CALN1: variants seen among roughly 807,000 people sequenced by gnomAD.
The protein encoded by CALN1 is calcium-binding protein 8.
CALN1 carries 17 observed loss-of-function variants against 30.6 expected under a neutral mutation model. The observed-to-expected ratio is 0.56, with a 90% CI of 0.38 to 0.83. The LOEUF is 0.83. Ranked by LOEUF, CALN1 falls within the 40% of genes least tolerant of loss-of-function variation. CALN1 has a pLI of 0.00. For missense variants in CALN1, 291 were observed against 354.9 expected, an observed-to-expected ratio of 0.82 and a Z score of 1.45; for synonymous variants, 156 against 131.4, an observed-to-expected ratio of 1.19 and a Z score of -1.28.
intron 6 of CALN1, among the ~76,000 whole-genome samples, chr7:71,801,497 C>G (rs1288193816): frequency 6.7e-6 from 1 of 149,520 alleles, no homozygotes; most frequent in African/African-American, 2.5e-5. Flanking sequence ...CCATGTTGCC[C>G]AGGTTGCAGG....
intron 3 of CALN1, among the ~76,000 whole-genome samples, chr7:72,108,701 G>T (rs1807348842): frequency 6.6e-6 from 1 of 152,082 alleles, no homozygotes; most frequent in South Asian, 2.1e-4. Flanking sequence ...TAAGTCCTGG[G>T]TCTGGTAGGT....
intron 2 of CALN1, among the ~76,000 whole-genome samples, chr7:72,356,450 T>C (rs965504495): frequency 5.3e-5 from 8 of 151,990 alleles, no homozygotes. Context: ...ATACAACTTG[T>C]ATTAAAGTGA....
rs564376743 is a variant in CALN1 at position 71,785,452 on chromosome 7, C to T, written c.*2323G>A. 2.9e-4 allele frequency: 44 copies of T among 152,310 alleles called. No individual in the cohort carries two copies. Among genetic ancestry groups the T allele is most frequent in the African/African-American group, 1.0e-3 (42 of 41,570 alleles). The allele number at this position is 152,310 out of a possible 1,614,324, so 9.4% of individuals were successfully genotyped here. ...GAGGCAGAAGAACTCGCAGAAAAGC[C>T]ACCTTCAAAGAAGTACTCATTTTCT... On this transcript the variant is annotated 3_prime_UTR_variant, in exon 7 of 7. Transcript: ENST00000395275.
chr7:72,389,923 C>T (rs1039241820), intron 2 of CALN1, among the ~76,000 whole-genome samples: 16 of 122,522 alleles, frequency 1.3e-4, no homozygotes, highest in Admixed American at 8.7e-4. Flanking sequence ...AGCAAAACCC[C>T]ATCTAAAAAA....
chr7:72,275,275 G>C, intron 3 of CALN1, among the ~76,000 whole-genome samples: 1 of 152,050 alleles, frequency 6.6e-6, no homozygotes, highest in South Asian at 2.1e-4. Context: ...GGGTAAATGA[G>C]TGCCCCCAAC....
chr7:72,169,501 T>G (rs925168755), intron 3 of CALN1, among the ~76,000 whole-genome samples: 24 of 151,030 alleles, frequency 1.6e-4, no homozygotes, highest in Non-Finnish European at 3.4e-4. Flanking sequence ...TTTTTTTTTT[T>G]TTTCAGATAC....
chr7:72,439,185 C>A (rs1016524315), intron 1 of CALN1, among the ~76,000 whole-genome samples: 1 of 152,140 alleles, frequency 6.6e-6, no homozygotes, highest in African/African-American at 2.4e-5. Context: ...CACACACCAT[C>A]ATAACTAGTT....
At chr7:72,315,225 T>TA (rs1473513526) in intron 2 of CALN1, among the ~76,000 whole-genome samples, 4 of 150,992 alleles carry the variant, frequency 2.6e-5, no homozygotes, top group Non-Finnish European at 5.9e-5. Context: ...AGAGCAAACA[T>TA]AGAAAATTTT....
At chr7:72,112,277 A>G (rs1020072345) in intron 3 of CALN1, among the ~76,000 whole-genome samples, 1 of 152,184 alleles carries the variant, frequency 6.6e-6, no homozygotes, top group Non-Finnish European at 1.5e-5. Flanking sequence ...AATCAGGTGA[A>G]ATTTACAGTA....
chr7:71,898,573 A>C (rs943247593), intron 5 of CALN1, among the ~76,000 whole-genome samples: 5 of 152,194 alleles, frequency 3.3e-5, no homozygotes, highest in African/African-American at 1.2e-4. Flanking sequence ...AGGCAGAAGC[A>C]ATATGTGGGG....
the CALN1 span, among the ~76,000 whole-genome samples, chr7:72,496,523 A>G: frequency 6.6e-6 from 1 of 152,348 alleles, no homozygotes; most frequent in Admixed American, 6.5e-5. Context: ...GTGAGATTCA[A>G]GTTTAACCAG....
chr7:71,795,013 AT>A (rs1002826739), intron 6 of CALN1, among the ~76,000 whole-genome samples: 10 of 150,108 alleles, frequency 6.7e-5, no homozygotes, highest in Admixed American at 1.3e-4. Context: ...GATCTTGCCT[AT>A]TTTTTTTCTT....
chr7:71,988,345 C>T (rs1238230428), intron 5 of CALN1, among the ~76,000 whole-genome samples: 1 of 152,154 alleles, frequency 6.6e-6, no homozygotes, highest in Non-Finnish European at 1.5e-5. Context: ...ATCTATGAGC[C>T]TAACCACAAC....
intron 5 of CALN1, among the ~76,000 whole-genome samples, chr7:71,986,033 C>T (rs1395740686): frequency 6.6e-6 from 1 of 151,460 alleles, no homozygotes. Flanking sequence ...TATTGACACG[C>T]ATCAACATGG....
intron 3 of CALN1, among the ~76,000 whole-genome samples, chr7:72,216,423 A>C (rs1792818622): frequency 6.6e-6 from 1 of 151,586 alleles, no homozygotes; most frequent in Admixed American, 6.6e-5. Context: ...TTAAAAAAAA[A>C]CATTAAAGAT....
intron 5 of CALN1, among the ~76,000 whole-genome samples, chr7:71,981,336 A>G (rs567803115): frequency 1.3e-5 from 2 of 152,106 alleles, no homozygotes; most frequent in African/African-American, 2.4e-5. Context: ...GTCCTCCCCT[A>G]TACCCTGGGG....
intron 1 of CALN1, among the ~76,000 whole-genome samples, chr7:72,406,671 C>T (rs1195872141): frequency 1.4e-5 from 2 of 146,210 alleles, no homozygotes; most frequent in African/African-American, 5.2e-5. Context: ...GGCTGGAGTG[C>T]AGTAGCGTGA....
chr7:72,404,169 T>TC (rs774722020), intron 1 of CALN1, among the ~76,000 whole-genome samples: 1 of 152,124 alleles, frequency 6.6e-6, no homozygotes, highest in Non-Finnish European at 1.5e-5. Flanking sequence ...CCTGGCCCTC[T>TC]CCCTTGGTTG....
At chr7:71,937,037 C>T (rs1159849826) in intron 5 of CALN1, among the ~76,000 whole-genome samples, 2 of 152,172 alleles carry the variant, frequency 1.3e-5, no homozygotes, top group Non-Finnish European at 2.9e-5. Context: ...TTCCCAGTCT[C>T]AGGTATGTCT....
Sources: allele counts gnomAD v4.1 joint callset (sites outside exome capture counted in the v4.1 genomes callset), GRCh38; gene constraint gnomAD v4.1.1; transcripts MANE v1.5; gene names NCBI Gene and HGNC (gene_info 2026-07-23, HGNC 2026-07-21).